ANKRD13C: variants seen among roughly 807,000 people sequenced by gnomAD.
ANKRD13C encodes the protein ankyrin repeat domain-containing protein 13C.
Under a neutral mutation model 65.5 loss-of-function variants are expected in ANKRD13C, and 16 were observed. The observed-to-expected ratio is 0.24, with a 90% CI of 0.17 to 0.37. The LOEUF is 0.37. Among genes scored for constraint, ANKRD13C ranks in the 10% least tolerant of loss-of-function variants. The pLI is 1.00. For synonymous variants in ANKRD13C, 235 were observed against 238.7 expected, an observed-to-expected ratio of 0.98 and a Z score of 0.14; for missense variants, 503 against 655.9, an observed-to-expected ratio of 0.77 and a Z score of 2.55.
chr1:70,269,010 G>T, intron 12 of ANKRD13C, among the ~76,000 whole-genome samples: 1 of 151,152 alleles, frequency 6.6e-6, no homozygotes, highest in Admixed American at 6.6e-5. Context: ...TCTAGCATTA[G>T]GTATATCTCC....
chr1:70,301,007 T>G (rs1221092332), intron 6 of ANKRD13C, 99 bp from the exon 7 acceptor site: 1 of 1,239,996 alleles, frequency 8.1e-7, no homozygotes. Context: ...CAAACCAAGA[T>G]GCTAATACCA....
intron 3 of ANKRD13C, among the ~76,000 whole-genome samples, chr1:70,320,280 A>G (rs1388924778): frequency 2.0e-5 from 3 of 152,170 alleles, no homozygotes; most frequent in Middle Eastern, 3.2e-3. Context: ...TGTAGAGAAT[A>G]ATATGACCAG....
chr1:70,320,212 A>G (rs1216847087), intron 3 of ANKRD13C, among the ~76,000 whole-genome samples: 1 of 152,218 alleles, frequency 6.6e-6, no homozygotes, highest in African/African-American at 2.4e-5. Context: ...TGGACCTTAT[A>G]AACAAAGTTA....
At chr1:70,279,195 T>C (rs270485) in intron 9 of ANKRD13C, among the ~76,000 whole-genome samples, 42,880 of 151,780 alleles carry the variant, frequency 0.28, 6,704 homozygotes, top group African/African-American at 0.42. Flanking sequence ...GGACAGAACA[T>C]GACTCTGTCT....
chr1:70,262,943 TAA>T (rs34241203), intron 12 of ANKRD13C, 96 bp from the exon 13 acceptor site: 16,319 of 454,002 alleles, frequency 0.036, no homozygotes, highest in East Asian at 0.056. Context: ...CCTTAAAATG[TAA>T]AAAAAAAAAA....
chr1:70,327,186 C>G (rs758085431), intron 2 of ANKRD13C, among the ~76,000 whole-genome samples: 1 of 152,086 alleles, frequency 6.6e-6, no homozygotes, highest in Non-Finnish European at 1.5e-5. Flanking sequence ...ATCACTTACA[C>G]GATCTAACTT....
At chr1:70,283,480 A>G (rs981916771) in intron 9 of ANKRD13C, among the ~76,000 whole-genome samples, 32 of 152,246 alleles carry the variant, frequency 2.1e-4, no homozygotes, top group Admixed American at 6.5e-4. Context: ...TAAGATATTC[A>G]TGTATTTTAT....
At chr1:70,315,670 T>C (rs1471776211) in intron 3 of ANKRD13C, 104 bp from the exon 4 acceptor site, 3 of 817,898 alleles carry the variant, frequency 3.7e-6, no homozygotes, top group Admixed American at 2.7e-5. Context: ...TACACATATA[T>C]GCACGTGCAT....
intron 12 of ANKRD13C, among the ~76,000 whole-genome samples, chr1:70,268,343 G>A (rs1678723844): frequency 6.6e-6 from 1 of 152,040 alleles, no homozygotes; most frequent in African/African-American, 2.4e-5. Context: ...CTAATTTTTA[G>A]TAGAGACAGA....
intron 8 of ANKRD13C, chr1:70,293,678 A>C (rs1265905080): frequency 2.9e-6 from 1 of 343,232 alleles, no homozygotes; most frequent in African/African-American, 2.2e-5. Context: ...AATGGACTGC[A>C]ATGTAGGACC....
chr1:70,260,488 T>G lies in ANKRD13C; in HGVS notation c.*2229A>C, dbSNP rs1308025255. ...TACATTGCAAAATCTTGATTTTTCATGTGGTATTATGAAAACATATGGTGT... is the reference window on the plus strand; with the variant it reads ...TACATTGCAAAATCTTGATTTTTCAGGTGGTATTATGAAAACATATGGTGT... On this transcript the variant is annotated 3_prime_UTR_variant, in exon 13 of 13. Transcript: ENST00000370944. 1 of 152,152 alleles carries G rather than the reference T, an allele frequency of 6.6e-6. No homozygotes were observed. Among genetic ancestry groups the G allele is most frequent in the Non-Finnish European group, 1.5e-5 (1 of 67,974 alleles). The allele number at this position is 152,152 out of a possible 1,614,324, so 9.4% of individuals were successfully genotyped here.
At chr1:70,304,718 T>G (rs1012754548) in intron 6 of ANKRD13C, among the ~76,000 whole-genome samples, 80 of 152,268 alleles carry the variant, frequency 5.3e-4, no homozygotes, top group African/African-American at 1.9e-3. Context: ...CTTTTTAAAC[T>G]ATCACATGGA....
At chr1:70,271,723 T>C (rs1197188127) in intron 11 of ANKRD13C, among the ~76,000 whole-genome samples, 2 of 152,210 alleles carry the variant, frequency 1.3e-5, no homozygotes, top group African/African-American at 2.4e-5. Flanking sequence ...AGGATAATTT[T>C]TGTTACTAAT....
At chr1:70,339,749 G>T (rs1013811024) in intron 1 of ANKRD13C, among the ~76,000 whole-genome samples, 5 of 151,254 alleles carry the variant, frequency 3.3e-5, no homozygotes, top group African/African-American at 1.2e-4. Context: ...AATTTATACT[G>T]ATGTAACACT....
chr1:70,325,817 T>C (rs1260778590), intron 2 of ANKRD13C, among the ~76,000 whole-genome samples: 2 of 152,076 alleles, frequency 1.3e-5, no homozygotes, highest in East Asian at 1.9e-4. Context: ...AGGCAGAGGC[T>C]GCAGTGAGCC....
chr1:70,301,400 T>A (rs920391670), intron 6 of ANKRD13C, among the ~76,000 whole-genome samples: 2 of 152,172 alleles, frequency 1.3e-5, no homozygotes, highest in African/African-American at 4.8e-5. Flanking sequence ...TAAGACCAGG[T>A]TGCTAGCTCA....
intron 5 of ANKRD13C, among the ~76,000 whole-genome samples, chr1:70,309,476 T>C (rs1680742151): frequency 6.8e-6 from 1 of 147,340 alleles, no homozygotes; most frequent in South Asian, 2.3e-4. Context: ...CCCAGCACTT[T>C]GGGAGGCCGA....
chr1:70,337,304 G>A (rs570630739), intron 1 of ANKRD13C, among the ~76,000 whole-genome samples: 9 of 152,256 alleles, frequency 5.9e-5, no homozygotes, highest in East Asian at 1.9e-4. Flanking sequence ...CTCCATGGCC[G>A]GGCACGGTGG....
intron 3 of ANKRD13C, among the ~76,000 whole-genome samples, chr1:70,317,594 CAA>C (rs1337641174): frequency 6.6e-6 from 1 of 151,894 alleles, no homozygotes; most frequent in African/African-American, 2.4e-5. Flanking sequence ...CTGTGAAATC[CAA>C]AAAGTCTGAG....
Sources: allele counts gnomAD v4.1 joint callset (sites outside exome capture counted in the v4.1 genomes callset), GRCh38; gene constraint gnomAD v4.1.1; transcripts MANE v1.5; gene names NCBI Gene and HGNC (gene_info 2026-07-23, HGNC 2026-07-21).